FREM1: variants seen among roughly 807,000 people sequenced by gnomAD.
The protein encoded by FREM1 is FRAS1 related extracellular matrix 1, also known as FRAS1-related extracellular matrix protein 1.
Under a neutral mutation model 210.1 loss-of-function variants are expected in FREM1, and 220 were observed. The observed-to-expected ratio is 1.05, with a 90% CI of 0.94 to 1.17. The LOEUF is 1.17. Among genes scored for constraint, FREM1 ranks in the 50% most tolerant of loss-of-function variants. The probability of loss-of-function intolerance (pLI) is 0.00; values close to 1 mark genes in which losing one functional copy is unlikely to be tolerated. For missense variants in FREM1, 3,454 were observed against 2,675.5 expected (o/e 1.29, Z -6.42); for synonymous variants, 1,189 against 980.2 (o/e 1.21, Z -3.98).
intron 1 of FREM1, among the ~76,000 whole-genome samples, chr9:14,894,935 G>C (rs1166361991): frequency 6.6e-6 from 1 of 152,182 alleles, no homozygotes; most frequent in African/African-American, 2.4e-5. Context: ...AATTAAACTT[G>C]ACTGGTAAAG....
chr9:14,891,976 G>C (rs1588625123), intron 1 of FREM1, among the ~76,000 whole-genome samples: 1 of 152,162 alleles, frequency 6.6e-6, no homozygotes, highest in Non-Finnish European at 1.5e-5. Context: ...TGTCTATGGA[G>C]TAGCCATTCT....
chr9:14,741,948 C>T (rs113186604), intron 35 of FREM1, among the ~76,000 whole-genome samples: 237 of 152,192 alleles, frequency 1.6e-3, no homozygotes, highest in Non-Finnish European at 2.7e-3. Context: ...TTTTGACTCT[C>T]CAGAAAGCAA....
chr9:14,773,562 G>A (rs1001943942), intron 25 of FREM1, among the ~76,000 whole-genome samples: 2 of 151,528 alleles, frequency 1.3e-5, no homozygotes, highest in African/African-American at 4.9e-5. Flanking sequence ...GGAATTATGG[G>A]AGGAATTTTG....
chr9:14,828,539 A>G (rs1022157167), intron 10 of FREM1, among the ~76,000 whole-genome samples: 1 of 145,824 alleles, frequency 6.9e-6, no homozygotes, highest in Non-Finnish European at 1.5e-5. Flanking sequence ...GAGATGTTAG[A>G]CTTTATTTTT....
intron 1 of FREM1, among the ~76,000 whole-genome samples, chr9:14,905,963 G>T (rs1437222330): frequency 1.3e-5 from 2 of 152,120 alleles, no homozygotes; most frequent in African/African-American, 4.8e-5. Flanking sequence ...GGCCACGGGA[G>T]TGGTGGGTTG....
chr9:14,785,971 G>A (rs779604135), intron 23 of FREM1, among the ~76,000 whole-genome samples: 11 of 152,080 alleles, frequency 7.2e-5, no homozygotes, highest in Non-Finnish European at 1.6e-4. Context: ...GTAGAAGTGG[G>A]TCACACATGG....
rs1348364255 is a variant in FREM1 at position 14,841,467 on chromosome 9, G to A, written c.1861C>T (p.Pro621Ser). 1.9e-6 allele frequency: 3 copies of A among 1,607,366 alleles called. No homozygotes were observed. The highest frequency in any genetic ancestry group is 1.7e-4 in the Middle Eastern group (1 of 6,044). ...CTTACCTGTGGCACTGAAAGATTTG[G>A]AGGTTCATGGCTGTCCCACAGGACA... The part of the protein sequence containing the change: ...QFVLWDSHEP[P>S]NLSVPQVATI... The change falls in exon 10 of 37, where the codon CCA becomes TCA. Residue 621 changes from proline (P) to serine (S), a missense_variant. Pro to Ser is a moderately conservative substitution (Grantham distance 74). Transcript: ENST00000380880.
At position 14,747,354 on chromosome 9, in the gene FREM1, G is replaced by C. The variant is rs776873418; in HGVS notation, c.5919C>G (p.Ile1973Met). The C allele has an allele frequency of 3.1e-6, 5 of 1,613,502 alleles. No individual in the cohort carries two copies. Among genetic ancestry groups the C allele is most frequent in the Middle Eastern group, 1.6e-4 (1 of 6,082 alleles). ...TGATTGTCTTTTGTGGCTGACTAAT[G>C]ATGGATACTTTGGCCTTCCTTTTGT... ...PTHKRKAKVS[I>M]ISQPQKTIKV... Residue 1973 changes from isoleucine (I) to methionine (M), a missense_variant, in exon 33 of 37, where the codon ATC becomes ATG. Transcript: ENST00000380880.
At chr9:14,811,337 G>C (rs1466367825) in intron 16 of FREM1, among the ~76,000 whole-genome samples, 1 of 152,136 alleles carries the variant, frequency 6.6e-6, no homozygotes, top group Non-Finnish European at 1.5e-5. Flanking sequence ...TTAGAACAAG[G>C]CACTGGAAAA....
At position 14,748,017 on chromosome 9, in the gene FREM1, G is replaced by A. The variant is rs560674895; in HGVS notation, c.5797-289C>T. On this transcript the variant is annotated intron_variant, in intron 31 of 36. Coordinates refer to ENST00000380880, the MANE Select transcript of FREM1 (RefSeq NM_001379081.2). Reference sequence around the variant, plus strand: ...GGTCCAAGAACACACACACACACGCGTGTGCACATATGAGAGTATGCAATG... The same window carrying A: ...GGTCCAAGAACACACACACACACGCATGTGCACATATGAGAGTATGCAATG... 1.1e-4 allele frequency among the ~76,000 whole-genome samples: 16 copies of A among 152,202 alleles called. 1 individual carries two copies. The highest frequency in any genetic ancestry group is 9.6e-4 in the East Asian group (5 of 5,188).
intron 10 of FREM1, among the ~76,000 whole-genome samples, chr9:14,838,123 CTGTG>C (rs1410726820): frequency 2.0e-5 from 3 of 152,124 alleles, no homozygotes; most frequent in African/African-American, 7.2e-5. Flanking sequence ...TTTAGTTTTG[CTGTG>C]TGTGTCAATT....
intron 25 of FREM1, 35 bp downstream of exon 25, chr9:14,775,754 A>T: frequency 7.6e-7 from 1 of 1,323,872 alleles, no homozygotes; most frequent in Non-Finnish European, 1.1e-6. Flanking sequence ...CTGTTTTCAC[A>T]TCTCTGGCAA....
rs1216650409 is a variant in FREM1 at position 14,860,584 on chromosome 9, CAT to C, written c.330-1102_330-1101del. Among the ~76,000 whole-genome samples, 862 of 115,546 alleles carry C rather than the reference CAT, an allele frequency of 7.5e-3. 58 individuals carry two copies. Among genetic ancestry groups the C allele is most frequent in the African/African-American group, 0.03 (668 of 22,030 alleles). 75.8% of individuals were successfully genotyped at this position (115,546 alleles called of 152,430 possible). A position where few individuals can be genotyped will look rare whatever the true frequency, so the allele number is the denominator to read the frequency against. On this transcript the variant is annotated intron_variant, in intron 3 of 36. Coordinates refer to ENST00000380880, the MANE Select transcript of FREM1 (RefSeq NM_001379081.2). ...ACATATATATACACATATATATACA[CAT>C]ATATATACATATATACACATATATA...
chr9:14,785,939 T>C (rs1011884984), intron 23 of FREM1, among the ~76,000 whole-genome samples: 1 of 152,158 alleles, frequency 6.6e-6, no homozygotes, highest in Non-Finnish European at 1.5e-5. Context: ...CACTATTTTT[T>C]TTAAATGTAT....
intron 16 of FREM1, among the ~76,000 whole-genome samples, chr9:14,810,275 T>A (rs1038866024): frequency 1.3e-5 from 2 of 151,986 alleles, no homozygotes; most frequent in East Asian, 1.9e-4. Context: ...GCAAATTGAG[T>A]AACCACAATT....
intron 1 of FREM1, among the ~76,000 whole-genome samples, chr9:14,909,094 C>T (rs894077743): frequency 6.6e-6 from 1 of 152,100 alleles, no homozygotes; most frequent in African/African-American, 2.4e-5. Context: ...TTAATCTCTC[C>T]AGTAAGATTC....
intron 1 of FREM1, among the ~76,000 whole-genome samples, chr9:14,877,826 T>C (rs1190367479): frequency 1.3e-5 from 2 of 152,194 alleles, no homozygotes; most frequent in African/African-American, 2.4e-5. Context: ...AGCTAAGCCA[T>C]AATCTGACCC....
chr9:14,822,711 A>C, intron 13 of FREM1, among the ~76,000 whole-genome samples: 1 of 152,194 alleles, frequency 6.6e-6, no homozygotes. Flanking sequence ...AACACAGGGC[A>C]GTGGGGCAAA....
chr9:14,900,387 C>G (rs1203423726), intron 1 of FREM1, among the ~76,000 whole-genome samples: 9 of 152,166 alleles, frequency 5.9e-5, no homozygotes, highest in Admixed American at 3.9e-4. Context: ...CTAAGTATGA[C>G]AAGAGGTAAA....
Sources: gnomAD v4.1 joint callset for allele counts (sites outside exome capture counted in the v4.1 genomes callset) on GRCh38, gnomAD v4.1.1 for gene constraint, MANE v1.5 for transcripts, NCBI Gene and HGNC (gene_info 2026-07-23, HGNC 2026-07-21) for gene names.